Variants in PPFIBP1 observed in about 807,000 individuals in gnomAD.
PPFIBP1 encodes the protein PPFIB scaffold protein 1.
Under a neutral mutation model 137.8 loss-of-function variants are expected in PPFIBP1, and 112 were observed. The ratio of observed to expected loss-of-function variants is 0.81; its 90% CI spans 0.70 to 0.95. The LOEUF is 0.95. Ranked by LOEUF, PPFIBP1 falls within the 40% of genes least tolerant of loss-of-function variation. The pLI is 0.00. For synonymous variants in PPFIBP1, 378 were observed against 417.3 expected, an observed-to-expected ratio of 0.91 and a Z score of 1.15; for missense variants, 1,083 against 1,196.6, an observed-to-expected ratio of 0.91 and a Z score of 1.40.
chr12:27,555,731 G>T (rs1233325381), intron 1 of PPFIBP1, among the ~76,000 whole-genome samples: 2 of 152,090 alleles, frequency 1.3e-5, no homozygotes, highest in Non-Finnish European at 2.9e-5. Context: ...TCTTTTCATT[G>T]ACTCAAATCC....
rs150677331 is a variant in PPFIBP1 at position 27,646,384 on chromosome 12, G to A, written c.357+236G>A. On this transcript the variant is annotated intron_variant, in intron 5 of 29. Transcript: ENST00000228425. ...GCTCTTGCAGGACCAGTCTGAATAC[G>A]GGCACAATGTTGTCTGATCTGTTCT... 6.2e-4 allele frequency: 337 copies of A among 546,546 alleles called. 1 individual carries two copies. The highest frequency in any genetic ancestry group is 5.9e-3 in the African/African-American group (310 of 52,482). The allele number at this position is 546,546 out of a possible 1,614,324, so 33.9% of individuals were successfully genotyped here.
intron 2 of PPFIBP1, among the ~76,000 whole-genome samples, chr12:27,602,965 A>G (rs566874137): frequency 1.2e-4 from 18 of 152,240 alleles, no homozygotes; most frequent in African/African-American, 4.3e-4. Flanking sequence ...TGCATGATGG[A>G]ACCAGTTGCT....
chr12:27,691,862 G>A lies in PPFIBP1; in HGVS notation c.2799G>A (p.Lys933=). The A allele has an allele frequency of 1.2e-6, 2 of 1,614,088 alleles. No individual in the cohort carries two copies. Among genetic ancestry groups the A allele is most frequent in the Non-Finnish European group, 8.5e-7 (1 of 1,179,982 alleles). ...GACAGGCATCAGGAAGTGCATCTAA[G>A]AAAGGATTTAAACCTGGTTTGGATA... is the stretch of plus-strand genomic sequence containing the variant. The part of the protein sequence containing the change: ...ELGQASGSAS[K]KGFKPGLDMR... Residue 933 remains lysine (K), a synonymous_variant, in exon 28 of 30, where the codon AAG becomes AAA. Coordinates refer to ENST00000228425, the MANE Select transcript of PPFIBP1 (RefSeq NM_003622.4).
intron 24 of PPFIBP1, among the ~76,000 whole-genome samples, chr12:27,685,693 A>G (rs2061163064): frequency 6.6e-6 from 1 of 152,214 alleles, no homozygotes; most frequent in Non-Finnish European, 1.5e-5. Flanking sequence ...GAAGGACCTT[A>G]CTGGACAAAC....
At chr12:27,616,699 C>A (rs1223407985) in intron 2 of PPFIBP1, among the ~76,000 whole-genome samples, 1 of 152,170 alleles carries the variant, frequency 6.6e-6, no homozygotes, top group Non-Finnish European at 1.5e-5. Context: ...AATAAAAGGG[C>A]GGAGACTCTT....
chr12:27,550,618 TCAAA>T (rs1256329864), intron 1 of PPFIBP1, among the ~76,000 whole-genome samples: 1 of 152,110 alleles, frequency 6.6e-6, no homozygotes, highest in Non-Finnish European at 1.5e-5. Context: ...TTGCCCGAGA[TCAAA>T]CAGAGATTAT....
intron 13 of PPFIBP1, among the ~76,000 whole-genome samples, chr12:27,670,794 A>AT (rs57075092): frequency 7.9e-5 from 11 of 139,408 alleles, no homozygotes; most frequent in African/African-American, 2.4e-4. Flanking sequence ...AAAAAAAAAA[A>AT]AATAATAATA....
intron 6 of PPFIBP1, among the ~76,000 whole-genome samples, chr12:27,648,530 C>T (rs367618106): frequency 3.9e-5 from 6 of 152,130 alleles, no homozygotes; most frequent in Admixed American, 6.5e-5. Context: ...ATCAGTATAT[C>T]GAAGAAATAT....
rs532731794 is a variant in PPFIBP1, at chr12:27,678,337, C to T, written c.1616-1152C>T. On this transcript the variant is annotated intron_variant, in intron 19 of 29. Coordinates refer to ENST00000228425, the MANE Select transcript of PPFIBP1 (RefSeq NM_003622.4). Reference sequence around the variant, plus strand: ...ATTCTTTTAAGGTAAAATCAACAGGCACTTACTTTATGTCAAAAGAAAAAT... The same window carrying T: ...ATTCTTTTAAGGTAAAATCAACAGGTACTTACTTTATGTCAAAAGAAAAAT... 5.9e-5 allele frequency among the ~76,000 whole-genome samples: 9 copies of T among 152,246 alleles called. No homozygotes were observed. The East Asian group carries it at 1.7e-3, about 29-fold the overall frequency.
chr12:27,656,084 T>C (rs557846673), intron 8 of PPFIBP1, among the ~76,000 whole-genome samples: 1 of 152,232 alleles, frequency 6.6e-6, no homozygotes, highest in Non-Finnish European at 1.5e-5. Flanking sequence ...CCTTTTGTCT[T>C]AGTGATGAGG....
intron 1 of PPFIBP1, among the ~76,000 whole-genome samples, chr12:27,559,174 A>G (rs2048953297): frequency 9.0e-6 from 1 of 111,114 alleles, no homozygotes; most frequent in South Asian, 4.0e-4. Context: ...GGCCCTTAAT[A>G]GTGATTTTTT....
In PPFIBP1 at chr12:27,645,495, A is replaced by G. The variant is rs762616385; in HGVS notation, c.271-567A>G. ...GGAGGGGAAGAAATAGTAAGCATCA[A>G]TATACACAGAGCACTGAGCCAGATG... On this transcript the variant is annotated intron_variant, in intron 4 of 29. Coordinates refer to ENST00000228425, the MANE Select transcript of PPFIBP1 (RefSeq NM_003622.4). 3.3e-5 allele frequency among the ~76,000 whole-genome samples: 5 copies of G among 152,214 alleles called. No individual in the cohort carries two copies. The East Asian group carries it at 7.7e-4, about 23-fold the overall frequency.
At chr12:27,646,328 G>C in intron 5 of PPFIBP1, 180 bp downstream of exon 5, 1 of 618,038 alleles carries the variant, frequency 1.6e-6, no homozygotes, top group Non-Finnish European at 3.0e-6. Context: ...TTTACACCCA[G>C]TTTAAAAGGA....
intron 2 of PPFIBP1, among the ~76,000 whole-genome samples, chr12:27,629,264 A>G (rs1053084826): frequency 6.6e-6 from 1 of 152,216 alleles, no homozygotes; most frequent in African/African-American, 2.4e-5. Context: ...AAAGAACTTA[A>G]ATGGGATTGA....
chr12:27,539,793 G>C (rs942224561), intron 1 of PPFIBP1, among the ~76,000 whole-genome samples: 1 of 152,074 alleles, frequency 6.6e-6, no homozygotes, highest in Non-Finnish European at 1.5e-5. Flanking sequence ...TAAAAAAAAG[G>C]CATCAGTAAT....
intron 7 of PPFIBP1, chr12:27,654,324 T>C (rs1238146845): frequency 6.5e-6 from 1 of 153,088 alleles, no homozygotes; most frequent in African/African-American, 2.4e-5. Context: ...GTAAATGGCT[T>C]TACTAAAGAA....
chr12:27,530,256 C>T (rs945781319), intron 1 of PPFIBP1, among the ~76,000 whole-genome samples: 2 of 152,162 alleles, frequency 1.3e-5, no homozygotes, highest in African/African-American at 4.8e-5. Context: ...ATGGAAGAGT[C>T]GAATGAACCT....
chr12:27,671,343 C>T (rs374851339), intron 13 of PPFIBP1, 88 bp from the exon 14 acceptor site: 13 of 692,540 alleles, frequency 1.9e-5, no homozygotes, highest in Non-Finnish European at 2.4e-5. Context: ...GTCAATAGAC[C>T]GTTTAATTTT....
intron 2 of PPFIBP1, among the ~76,000 whole-genome samples, chr12:27,599,914 A>G (rs2053776312): frequency 6.6e-6 from 1 of 152,226 alleles, no homozygotes; most frequent in African/African-American, 2.4e-5. Context: ...GGAATATGTG[A>G]TTCTAGATAG....
Sources: allele counts gnomAD v4.1 joint callset (sites outside exome capture counted in the v4.1 genomes callset), GRCh38; gene constraint gnomAD v4.1.1; transcripts MANE v1.5; gene names NCBI Gene and HGNC (gene_info 2026-07-23, HGNC 2026-07-21).